The following KANSL1 variants were observed in gnomAD, a reference collection of about 807,000 sequenced individuals.
The protein encoded by KANSL1 is KAT8 regulatory NSL complex subunit 1, also known as MLL1/MLL complex subunit KANSL1.
Under a neutral mutation model 103.6 loss-of-function variants are expected in KANSL1, and 22 were observed. The ratio of observed to expected loss-of-function variants is 0.21; its 90% CI spans 0.15 to 0.30. The LOEUF (loss-of-function observed/expected upper bound fraction) is 0.30. Among genes scored for constraint, KANSL1 ranks in the 10% least tolerant of loss-of-function variants. The pLI, the probability that KANSL1 is intolerant of heterozygous loss-of-function variation, is 1.00. For synonymous variants in KANSL1, 600 were observed against 527.6 expected, an observed-to-expected ratio of 1.14 and a Z score of -1.88; for missense variants, 1,337 against 1,399.8, an observed-to-expected ratio of 0.96 and a Z score of 0.72.
chr17:46,192,097 T>G, intron 1 of KANSL1, among the ~76,000 whole-genome samples: 1 of 152,194 alleles, frequency 6.6e-6, no homozygotes, highest in East Asian at 1.9e-4. Flanking sequence ...AAGCAATAGT[T>G]AAGTAGCACG....
chr17:46,210,414 A>T (rs1439256947), intron 1 of KANSL1, among the ~76,000 whole-genome samples: 1 of 146,426 alleles, frequency 6.8e-6, no homozygotes, highest in East Asian at 1.9e-4. Context: ...CGGAGGTTGT[A>T]GTGAGCCGAG....
At chr17:46,116,502 C>T (rs894519399) in intron 2 of KANSL1, among the ~76,000 whole-genome samples, 7 of 152,186 alleles carry the variant, frequency 4.6e-5, no homozygotes, top group Admixed American at 4.6e-4. Context: ...TGCACTCCAG[C>T]CTGGGCAACA....
At chr17:46,167,655 C>T (rs895349536) in intron 2 of KANSL1, among the ~76,000 whole-genome samples, 5 of 152,208 alleles carry the variant, frequency 3.3e-5, no homozygotes, top group Admixed American at 3.3e-4. Context: ...TTAAACCAGA[C>T]ATAAAATCAG....
chr17:46,124,128 G>A (rs1196157350), intron 2 of KANSL1, among the ~76,000 whole-genome samples: 1 of 152,250 alleles, frequency 6.6e-6, no homozygotes, highest in Non-Finnish European at 1.5e-5. Context: ...GCCAGGTGCA[G>A]TGGCTCATGC....
intron 3 of KANSL1, among the ~76,000 whole-genome samples, chr17:46,090,527 A>G (rs1192380660): frequency 2.0e-5 from 3 of 152,262 alleles, no homozygotes; most frequent in Non-Finnish European, 4.4e-5. Flanking sequence ...TGTATTTTAC[A>G]GACCAAGAAT....
intron 1 of KANSL1, among the ~76,000 whole-genome samples, chr17:46,199,524 A>C (rs2047724345): frequency 6.6e-6 from 1 of 152,260 alleles, no homozygotes; most frequent in Non-Finnish European, 1.5e-5. Context: ...TTTCAGTAAG[A>C]TTAAACAAAA....
At chr17:46,058,537 T>C (rs2078011048) in intron 6 of KANSL1, among the ~76,000 whole-genome samples, 1 of 152,220 alleles carries the variant, frequency 6.6e-6, no homozygotes, top group Non-Finnish European at 1.5e-5. Flanking sequence ...TAAAACATTG[T>C]TAGATATGCC....
At chr17:46,033,283 G>A in intron 12 of KANSL1, 91 bp from the exon 13 acceptor site, 2 of 1,428,824 alleles carry the variant, frequency 1.4e-6, no homozygotes, top group South Asian at 1.2e-5. Flanking sequence ...GTCACGACAG[G>A]AATACAAGGA....
chr17:46,150,733 G>A (rs926752001), intron 2 of KANSL1, among the ~76,000 whole-genome samples: 3 of 151,988 alleles, frequency 2.0e-5, no homozygotes, highest in African/African-American at 7.2e-5. Flanking sequence ...GTGGGAAAAG[G>A]AAAAAAGGAC....
intron 2 of KANSL1, among the ~76,000 whole-genome samples, chr17:46,121,745 T>C (rs2043289542): frequency 6.6e-6 from 1 of 152,228 alleles, no homozygotes; most frequent in African/African-American, 2.4e-5. Context: ...ATTTGTTGAA[T>C]GAATAAACTA....
chr17:46,032,121 C>A lies in KANSL1; in HGVS notation c.3016G>T (p.Ala1006Ser), dbSNP rs1286813277. Residue 1006 changes from alanine to serine, a missense_variant, in exon 14 of 15, where the codon GCT (alanine) becomes TCT (serine). Ala to Ser is a moderately conservative substitution (Grantham distance 99). Around this residue, in one of 2 missense-constraint regions of KANSL1, gnomAD observed 780 missense variants for 923.4 expected, o/e 0.84. Coordinates refer to ENST00000432791, the MANE Select transcript of KANSL1 (RefSeq NM_015443.4). ...GCTAAGTGTCGCGGAGTGTCCCGAG[C>A]CACAGGGGTGAGGGGTGCTGAGTGC... ...ELHSAPLTPV[A>S]RDTPRHLASE... The A allele has an allele frequency of 2.4e-5, 38 of 1,614,112 alleles. No homozygotes were observed. The highest frequency in any genetic ancestry group is 3.1e-5 in the Non-Finnish European group (37 of 1,180,002).
In KANSL1 at chr17:46,192,827, T is replaced by A. The variant is rs1387186768; in HGVS notation, c.-94A>T. 1.3e-5 allele frequency: 2 copies of A among 154,898 alleles called. No homozygotes were observed. The highest frequency in any genetic ancestry group is 2.9e-5 in the Non-Finnish European group (2 of 69,884). The allele number at this position is 154,898 out of a possible 1,614,324, so 9.6% of individuals were successfully genotyped here. A position where few individuals can be genotyped will look rare whatever the true frequency, so the allele number is the denominator to read the frequency against. On this transcript the variant is annotated 5_prime_UTR_variant, in exon 1 of 15. Coordinates refer to ENST00000432791, the MANE Select transcript of KANSL1 (RefSeq NM_015443.4). ...AGGAGCAGCAGCAGCACCTACCACG[T>A]GATGGAGGAGCGTAGCCCGGGCGGA...
At position 46,067,523 on chromosome 17, in the gene KANSL1, T is replaced by C. The variant is rs755615011; in HGVS notation, c.1652+26A>G. ...AACACCTTTACAAGTCTACTAAGTG[T>C]AGGAAGTAGAAGAGCTAAAACTTAC... On this transcript the variant is annotated intron_variant, in intron 5 of 14. Coordinates refer to ENST00000432791, the MANE Select transcript of KANSL1 (RefSeq NM_015443.4). 14 of 1,294,886 alleles carry C rather than the reference T, an allele frequency of 1.1e-5. No homozygotes were observed. In the Admixed American group the frequency reaches 1.8e-4, roughly 17 times the overall value. The allele number at this position is 1,294,886 out of a possible 1,614,324, so 80.2% of individuals were successfully genotyped here. A position where few individuals can be genotyped will look rare whatever the true frequency, so the allele number is the denominator to read the frequency against.
intron 2 of KANSL1, among the ~76,000 whole-genome samples, chr17:46,123,116 C>T (rs2043357726): frequency 6.6e-6 from 1 of 152,220 alleles, no homozygotes; most frequent in African/African-American, 2.4e-5. Flanking sequence ...GTGGCTCATG[C>T]CTGTAATCCC....
chr17:46,062,814 C>T (rs1324154010), intron 6 of KANSL1, among the ~76,000 whole-genome samples: 2 of 151,760 alleles, frequency 1.3e-5, no homozygotes, highest in African/African-American at 2.4e-5. Context: ...CTTTGGGAGG[C>T]CGAGGCGGGT....
chr17:46,055,139 G>A (rs2077873257), intron 6 of KANSL1, among the ~76,000 whole-genome samples: 1 of 151,638 alleles, frequency 6.6e-6, no homozygotes, highest in South Asian at 2.1e-4. Flanking sequence ...GTGAGCCACC[G>A]TGTCCGGCCC....
intron 1 of KANSL1, among the ~76,000 whole-genome samples, chr17:46,191,811 G>C (rs1033858646): frequency 6.6e-6 from 1 of 152,186 alleles, no homozygotes; most frequent in African/African-American, 2.4e-5. Flanking sequence ...GCAACACCAG[G>C]ATTGTGAATG....
chr17:46,038,312 T>A (rs1038167851), intron 10 of KANSL1: 26 of 565,384 alleles, frequency 4.6e-5, no homozygotes, highest in African/African-American at 7.5e-5. Flanking sequence ...TGGCTCAGCA[T>A]AAATCCATCT....
At chr17:46,210,748 TA>T (rs34860042) in intron 1 of KANSL1, among the ~76,000 whole-genome samples, 21,957 of 152,040 alleles carry the variant, frequency 0.14, 2,137 homozygotes, top group Non-Finnish European at 0.22. Flanking sequence ...GTTGGAAAAA[TA>T]AGGGAACGGA....
Sources: allele counts gnomAD v4.1 joint callset (sites outside exome capture counted in the v4.1 genomes callset), GRCh38; gene constraint gnomAD v4.1.1; regional missense constraint gnomAD v4.1.1; transcripts MANE v1.5; gene names NCBI Gene and HGNC (gene_info 2026-07-23, HGNC 2026-07-21).